The following CSGALNACT1 variants were observed in gnomAD, a reference collection of about 807,000 sequenced individuals.
The protein encoded by CSGALNACT1 is beta4GalNAcT-1.
In CSGALNACT1, 52 loss-of-function variants were observed where a neutral mutation model predicts 51.0. The observed-to-expected ratio is 1.02, with a 90% CI of 0.82 to 1.29. The LOEUF is 1.29. Among genes scored for constraint, CSGALNACT1 ranks in the 50% most tolerant of loss-of-function variants. CSGALNACT1 has a pLI of 0.00. For missense variants in CSGALNACT1, 935 were observed against 679.2 expected, an observed-to-expected ratio of 1.38 and a Z score of -4.19; for synonymous variants, 341 against 254.4, an observed-to-expected ratio of 1.34 and a Z score of -3.24.
chr8:19,649,818 G>GAAAAAAAAAAAAAAAAAAAAAAAAA (rs1564347327), intron 1 of CSGALNACT1, among the ~76,000 whole-genome samples: 1 of 1,554 alleles, frequency 6.4e-4, no homozygotes, highest in African/African-American at 2.1e-3. Context: ...ATTCCAAGTA[G>GAAAAAAAAAAAAAAAAAAAAAAAAA]CAAAAAAAAA....
chr8:19,418,804 T>C, intron 7 of CSGALNACT1, 54 bp from the exon 7 acceptor site: 1 of 1,297,332 alleles, frequency 7.7e-7, no homozygotes, highest in Admixed American at 1.7e-5. Context: ...AGTAGTAGGT[T>C]TGTTCCTTGA....
At chr8:19,452,577 C>T (rs1322638428) in intron 5 of CSGALNACT1, among the ~76,000 whole-genome samples, 5 of 152,128 alleles carry the variant, frequency 3.3e-5, no homozygotes, top group East Asian at 1.9e-4. Flanking sequence ...CCCACAGAAG[C>T]GATAGAAACA....
Position 19,425,935 on chromosome 8 carries a change from G to A in CSGALNACT1, c.954-5417C>T, listed in dbSNP as rs145049413. Among the ~76,000 whole-genome samples, 138 of 152,224 alleles carry A rather than the reference G, an allele frequency of 9.1e-4. No homozygotes were observed. In the East Asian group the frequency reaches 0.024, roughly 26 times the overall value. Reference sequence around the variant, plus strand: ...GTGCCTCGCCGCAAACTTACAGTGCGCACTCTGAGCTCCCAACATTTGACC... The same window carrying A: ...GTGCCTCGCCGCAAACTTACAGTGCACACTCTGAGCTCCCAACATTTGACC... On this transcript the variant is annotated intron_variant, in intron 6 of 9. Coordinates refer to ENST00000454498, the Ensembl canonical transcript of CSGALNACT1.
chr8:19,419,401 G>A (rs1469618790), intron 7 of CSGALNACT1, among the ~76,000 whole-genome samples: 1 of 152,188 alleles, frequency 6.6e-6, no homozygotes, highest in African/African-American at 2.4e-5. Flanking sequence ...TTAAATGGTT[G>A]ACTTTGGGTC....
intron 4 of CSGALNACT1, 30 bp from the exon 4 acceptor site, chr8:19,458,672 T>A: frequency 6.2e-7 from 1 of 1,605,730 alleles, no homozygotes; most frequent in Admixed American, 1.7e-5. Context: ...GAAAGATAGT[T>A]CTAAAAATTA....
chr8:19,507,124 C>G (rs955164610), intron 3 of CSGALNACT1, among the ~76,000 whole-genome samples: 1 of 152,124 alleles, frequency 6.6e-6, no homozygotes, highest in African/African-American at 2.4e-5. Flanking sequence ...CAGAAGGGAT[C>G]AGGGGACAAT....
chr8:19,450,406 A>C (rs1323521718), intron 5 of CSGALNACT1, among the ~76,000 whole-genome samples: 1 of 152,076 alleles, frequency 6.6e-6, no homozygotes, highest in Non-Finnish European at 1.5e-5. Flanking sequence ...AGCTACATTT[A>C]AAGCAAACTT....
chr8:19,729,868 A>G (rs2063596043), intron 1 of CSGALNACT1, among the ~76,000 whole-genome samples: 2 of 152,102 alleles, frequency 1.3e-5, no homozygotes, highest in Non-Finnish European at 2.9e-5. Context: ...AGAAGTTCCC[A>G]TCCTCCTTTA....
At chr8:19,741,294 G>A (rs2064297568) in intron 1 of CSGALNACT1, among the ~76,000 whole-genome samples, 1 of 152,176 alleles carries the variant, frequency 6.6e-6, no homozygotes, top group Non-Finnish European at 1.5e-5. Context: ...GCCGGGCACA[G>A]TGGCTTACGC....
chr8:19,406,386 T>C (rs1433092431), intron 9 of CSGALNACT1, among the ~76,000 whole-genome samples: 1 of 151,892 alleles, frequency 6.6e-6, no homozygotes, highest in African/African-American at 2.4e-5. Flanking sequence ...GGTACAAAAA[T>C]AAGATCTAGT....
intron 4 of CSGALNACT1, among the ~76,000 whole-genome samples, chr8:19,487,124 A>G (rs1184850244): frequency 6.6e-6 from 1 of 152,182 alleles, no homozygotes; most frequent in African/African-American, 2.4e-5. Flanking sequence ...TTTTTTCTCA[A>G]GCTGACAACT....
chr8:19,602,773 A>C (rs898815480), upstream of CSGALNACT1: 1 of 152,116 alleles, frequency 6.6e-6, no homozygotes, highest in Admixed American at 6.6e-5. Flanking sequence ...AAAGAGGTGC[A>C]AGCAAAATAC....
rs1381701155 is a variant in CSGALNACT1 at position 19,694,095 on chromosome 8, A to G, written c.-297+63755T>C. On this transcript the variant is annotated intron_variant, in intron 1 of 1. Transcript: ENST00000517494. ...CTTATATTATTGAGTTTACATTATA[A>G]GAATTATAAGATTAAGTGAATATTT... 2.0e-5 allele frequency among the ~76,000 whole-genome samples: 3 copies of G among 152,308 alleles called. No individual in the cohort carries two copies. The South Asian group carries it at 6.2e-4, about 32-fold the overall frequency.
chr8:19,517,376 G>A (rs1300619546), intron 3 of CSGALNACT1, among the ~76,000 whole-genome samples: 1 of 152,116 alleles, frequency 6.6e-6, no homozygotes, highest in East Asian at 1.9e-4. Context: ...GGAGGCAGAG[G>A]TTGCCGTGAG....
In CSGALNACT1 at chr8:19,663,167, T is replaced by G. The variant is rs747379150; in HGVS notation, c.-544+19306A>C. Among the ~76,000 whole-genome samples, 8 of 152,280 alleles carry G rather than the reference T, an allele frequency of 5.3e-5. No homozygotes were observed. In the South Asian group the frequency reaches 6.2e-4, roughly 12 times the overall value. On this transcript the variant is annotated intron_variant, in intron 1 of 9. Coordinates refer to the CSGALNACT1 transcript ENST00000332246. ...CCACTCTGCCTCTACCATGCCCAGT[T>G]GGAGAAACATTTCCATGGAACAGCA...
chr8:19,520,593 T>G (rs1464064357), intron 3 of CSGALNACT1, among the ~76,000 whole-genome samples: 4 of 152,250 alleles, frequency 2.6e-5, no homozygotes, highest in African/African-American at 4.8e-5. Context: ...CAGTAGAAAT[T>G]GTCCTGTTTC....
At chr8:19,463,085 C>A (rs117343772) in intron 4 of CSGALNACT1, among the ~76,000 whole-genome samples, 2 of 152,084 alleles carry the variant, frequency 1.3e-5, no homozygotes, top group South Asian at 2.1e-4. Flanking sequence ...ATTTGGTTTC[C>A]GGTTTCTGCA....
chr8:19,751,230 C>G (rs1020640757), intron 1 of CSGALNACT1, among the ~76,000 whole-genome samples: 3 of 152,168 alleles, frequency 2.0e-5, no homozygotes, highest in African/African-American at 4.8e-5. Flanking sequence ...ACACCACTTA[C>G]TAGCTGACCT....
intron 4 of CSGALNACT1, among the ~76,000 whole-genome samples, chr8:19,471,074 C>G (rs769974565): frequency 6.6e-6 from 1 of 151,294 alleles, no homozygotes; most frequent in Non-Finnish European, 1.5e-5. Flanking sequence ...CCAGCCTGAG[C>G]AACAGAGCAA....
Sources: allele counts gnomAD v4.1 joint callset (sites outside exome capture counted in the v4.1 genomes callset), GRCh38; gene constraint gnomAD v4.1.1; transcripts MANE v1.5; gene names NCBI Gene and HGNC (gene_info 2026-07-23, HGNC 2026-07-21).